The following C12orf42 variants were observed in gnomAD, a reference collection of about 807,000 sequenced individuals.
C12orf42 encodes the protein chromosome 12 open reading frame 42.
In C12orf42, 25 loss-of-function variants were observed where a neutral mutation model predicts 21.6. The observed-to-expected ratio is 1.16, with a 90% CI of 0.84 to 1.62. The LOEUF (loss-of-function observed/expected upper bound fraction) is 1.62, where lower values mean the gene tolerates loss of function less well. Ranked by LOEUF, C12orf42 falls within the 40% of genes most tolerant of loss-of-function variation. The pLI, the probability that C12orf42 is intolerant of heterozygous loss-of-function variation, is 0.00. For synonymous variants in C12orf42, 174 were observed against 175.0 expected (o/e 0.99, Z 0.05); for missense variants, 483 against 459.3 (o/e 1.05, Z -0.47).
intron 3 of C12orf42, among the ~76,000 whole-genome samples, chr12:103,395,026 A>G (rs1370991933): frequency 2.6e-5 from 4 of 152,248 alleles, no homozygotes; most frequent in Non-Finnish European, 5.9e-5. Flanking sequence ...ATAAAAATCA[A>G]GTGAACATCT....
chr12:103,433,219 T>C (rs905478852), intron 2 of C12orf42, among the ~76,000 whole-genome samples: 1 of 152,248 alleles, frequency 6.6e-6, no homozygotes. Context: ...TTCTTTCTCC[T>C]TCCTTTCCTG....
At chr12:103,313,327 C>T (rs1195241708) in intron 4 of C12orf42, among the ~76,000 whole-genome samples, 1 of 152,188 alleles carries the variant, frequency 6.6e-6, no homozygotes, top group Non-Finnish European at 1.5e-5. Context: ...ATGAAGGCTG[C>T]CATCTCCTAT....
intron 10 of C12orf42, among the ~76,000 whole-genome samples, chr12:103,262,974 T>TA (rs1469174489): frequency 6.6e-6 from 1 of 152,086 alleles, no homozygotes; most frequent in Non-Finnish European, 1.5e-5. Context: ...TATGCAGCCA[T>TA]AAAAAGGATG....
chr12:103,253,575 A>C (rs1429468842), intron 10 of C12orf42, among the ~76,000 whole-genome samples: 1 of 152,078 alleles, frequency 6.6e-6, no homozygotes, highest in Non-Finnish European at 1.5e-5. Flanking sequence ...GCAATTGTGA[A>C]TGGGACTTCA....
intron 3 of C12orf42, among the ~76,000 whole-genome samples, chr12:103,376,245 C>T (rs1041662814): frequency 1.2e-4 from 18 of 152,048 alleles, no homozygotes; most frequent in African/African-American, 4.3e-4. Context: ...TGAGTTTGTG[C>T]CCTTTGCAGG....
intron 2 of C12orf42, among the ~76,000 whole-genome samples, chr12:103,472,576 T>G (rs2888731): frequency 0.84 from 127,443 of 152,132 alleles, 53,427 homozygotes; most frequent in Admixed American, 0.89. Flanking sequence ...CTAGATTTTC[T>G]GACCATCAGC....
At chr12:103,069,038 G>T in the C12orf42 span, among the ~76,000 whole-genome samples, 12 of 129,338 alleles carry the variant, frequency 9.3e-5, no homozygotes, top group African/African-American at 3.4e-4. Context: ...AATACATGCT[G>T]ATTTATGTAT....
the C12orf42 span, among the ~76,000 whole-genome samples, chr12:103,049,012 G>C: frequency 3.3e-5 from 5 of 152,158 alleles, no homozygotes; most frequent in Non-Finnish European, 7.3e-5. Context: ...GATAGGTTTC[G>C]TCCTTGCACC....
chr12:103,118,230 C>T, the C12orf42 span, among the ~76,000 whole-genome samples: 1 of 152,156 alleles, frequency 6.6e-6, no homozygotes, highest in African/African-American at 2.4e-5. Flanking sequence ...TTATTGATGT[C>T]TTTCTATCTC....
chr12:103,354,752 C>T (rs1481657005), intron 4 of C12orf42, among the ~76,000 whole-genome samples: 1 of 152,030 alleles, frequency 6.6e-6, no homozygotes, highest in Non-Finnish European at 1.5e-5. Context: ...GAGATGGTGT[C>T]TCACTATATT....
intron 1 of C12orf42, among the ~76,000 whole-genome samples, chr12:103,489,865 C>T (rs572486687): frequency 6.6e-6 from 1 of 152,310 alleles, no homozygotes; most frequent in Admixed American, 6.5e-5. Context: ...CACGGCTTCC[C>T]TTGGCTAGGA....
At chr12:103,089,307 T>A in the C12orf42 span, among the ~76,000 whole-genome samples, 1 of 152,056 alleles carries the variant, frequency 6.6e-6, no homozygotes, top group Non-Finnish European at 1.5e-5. Flanking sequence ...TGAGATTTTT[T>A]AAAAGAAAAT....
the C12orf42 span, among the ~76,000 whole-genome samples, chr12:103,059,476 A>G: frequency 6.6e-6 from 1 of 152,314 alleles, no homozygotes; most frequent in African/African-American, 2.4e-5. Flanking sequence ...AACTCATTTT[A>G]TGAGGGTAGT....
chr12:103,492,760 C>A (rs1955263995), intron 1 of C12orf42, among the ~76,000 whole-genome samples: 1 of 152,260 alleles, frequency 6.6e-6, no homozygotes, highest in Middle Eastern at 3.4e-3. Flanking sequence ...GTGTCTGTCT[C>A]CAGGCCCACC....
At chr12:103,524,235 G>A in the C12orf42 span, among the ~76,000 whole-genome samples, 1 of 152,162 alleles carries the variant, frequency 6.6e-6, no homozygotes, top group African/African-American at 2.4e-5. Flanking sequence ...AAGATTAAAG[G>A]GGAGACAAGC....
chr12:103,049,734 T>G, the C12orf42 span, among the ~76,000 whole-genome samples: 1 of 152,204 alleles, frequency 6.6e-6, no homozygotes, highest in African/African-American at 2.4e-5. Context: ...CACACAAGTC[T>G]CACTTCTACC....
At chr12:103,391,689 T>C (rs899312592) in intron 3 of C12orf42, among the ~76,000 whole-genome samples, 1 of 150,856 alleles carries the variant, frequency 6.6e-6, no homozygotes, top group Admixed American at 6.6e-5. Flanking sequence ...ACTAATCACA[T>C]ATAATTATAT....
chr12:103,473,883 A>G (rs1287667117), intron 2 of C12orf42, among the ~76,000 whole-genome samples: 2 of 152,202 alleles, frequency 1.3e-5, no homozygotes, highest in Non-Finnish European at 2.9e-5. Context: ...AGCACAGAGG[A>G]TGTGCATAAT....
intron 4 of C12orf42, among the ~76,000 whole-genome samples, chr12:103,340,641 C>A (rs895988917): frequency 2.6e-5 from 4 of 151,824 alleles, no homozygotes; most frequent in African/African-American, 9.7e-5. Flanking sequence ...GGCAAAGGAG[C>A]AAAGACATTA....
Sources: gnomAD v4.1 joint callset for allele counts (sites outside exome capture counted in the v4.1 genomes callset) on GRCh38, gnomAD v4.1.1 for gene constraint, MANE v1.5 for transcripts, NCBI Gene and HGNC (gene_info 2026-07-23, HGNC 2026-07-21) for gene names.